The following SH3RF3 variants were observed in gnomAD, a reference collection of about 807,000 sequenced individuals.
SH3RF3 encodes the protein E3 ubiquitin-protein ligase SH3RF3.
SH3RF3 carries 29 observed loss-of-function variants against 66.3 expected under a neutral mutation model. The ratio of observed to expected loss-of-function variants is 0.44; its 90% CI spans 0.33 to 0.60. The LOEUF (loss-of-function observed/expected upper bound fraction) is 0.60, where lower values mean the gene tolerates loss of function less well. SH3RF3 is among the 20% of genes least tolerant of loss of function. SH3RF3 has a pLI of 0.04. For synonymous variants in SH3RF3, 583 were observed against 532.0 expected (o/e 1.10, Z -1.32); for missense variants, 1,194 against 1,190.9 (o/e 1.00, Z -0.04).
chr2:109,317,306 A>G (rs1018973559), intron 1 of SH3RF3, among the ~76,000 whole-genome samples: 1 of 152,136 alleles, frequency 6.6e-6, no homozygotes, highest in Non-Finnish European at 1.5e-5. Context: ...GGGCGACAGC[A>G]ATGCCTGTCC....
intron 1 of SH3RF3, among the ~76,000 whole-genome samples, chr2:109,191,843 A>G (rs1253962756): frequency 3.3e-5 from 5 of 152,188 alleles, no homozygotes; most frequent in African/African-American, 4.8e-5. Flanking sequence ...TATAAAAACA[A>G]TAACCCTTTA....
chr2:109,465,668 C>A (rs1290632911), intron 8 of SH3RF3, among the ~76,000 whole-genome samples: 2 of 152,182 alleles, frequency 1.3e-5, no homozygotes, highest in Admixed American at 6.5e-5. Flanking sequence ...TATGGTTCTG[C>A]AGGCTCTACA....
chr2:109,367,366 C>A (rs758547649), intron 2 of SH3RF3, among the ~76,000 whole-genome samples: 31 of 152,186 alleles, frequency 2.0e-4, no homozygotes, highest in African/African-American at 7.2e-4. Flanking sequence ...ACTGCAACCT[C>A]TGCCTCCTGG....
intron 1 of SH3RF3, among the ~76,000 whole-genome samples, chr2:109,315,930 T>G (rs1328607191): frequency 2.0e-5 from 3 of 152,162 alleles, no homozygotes; most frequent in Non-Finnish European, 4.4e-5. Context: ...CTGGGTTGTT[T>G]TGGAGAATAT....
chr2:109,334,876 C>T (rs1015909687), intron 1 of SH3RF3, among the ~76,000 whole-genome samples: 1 of 152,188 alleles, frequency 6.6e-6, no homozygotes, highest in African/African-American at 2.4e-5. Flanking sequence ...ATTTGTGGAA[C>T]CCAGTGTTTT....
At chr2:109,469,436 C>T (rs947411615) in intron 8 of SH3RF3, among the ~76,000 whole-genome samples, 2 of 152,102 alleles carry the variant, frequency 1.3e-5, no homozygotes, top group Non-Finnish European at 2.9e-5. Flanking sequence ...GCTGCTCTGT[C>T]GAGGAAGGGT....
chr2:109,129,517 G>A lies in SH3RF3; in HGVS notation c.-24G>A. 1.3e-6 allele frequency: 2 copies of A among 1,496,184 alleles called. No homozygotes were observed. The highest frequency in any genetic ancestry group is 1.8e-6 in the Non-Finnish European group (2 of 1,129,204). 92.7% of individuals were successfully genotyped at this position (1,496,184 alleles called of 1,614,324 possible). ...GGCCCCGGGACCTAGGCAGCCGCGC[G>A]AGACCGCTGCGGGCGCCTCCCCCAT... On this transcript the variant is annotated 5_prime_UTR_variant, in exon 1 of 10. Coordinates refer to ENST00000309415, the MANE Select transcript of SH3RF3 (RefSeq NM_001099289.3).
At chr2:109,478,721 AG>A (rs1678756189) in intron 8 of SH3RF3, among the ~76,000 whole-genome samples, 1 of 152,198 alleles carries the variant, frequency 6.6e-6, no homozygotes, top group South Asian at 2.1e-4. Flanking sequence ...CTGAGCTCGT[AG>A]GTAAGATCTT....
At chr2:109,271,549 T>A (rs1680626228) in intron 1 of SH3RF3, among the ~76,000 whole-genome samples, 1 of 152,194 alleles carries the variant, frequency 6.6e-6, no homozygotes, top group Admixed American at 6.5e-5. Flanking sequence ...CCCCTCAAAC[T>A]CAAGATAGTC....
Position 109,477,761 on chromosome 2 carries a change from C to T in SH3RF3, c.2149-12844C>T, listed in dbSNP as rs560105578. On this transcript the variant is annotated intron_variant, in intron 8 of 9. Transcript: ENST00000309415. ...GACTGGCTTCCTGGTTCATAGACGG[C>T]GCCTTCTCACCGTGTCCTCACGTGG... Among the ~76,000 whole-genome samples the T allele has an allele frequency of 6.6e-5, 10 of 152,224 alleles. No homozygotes were observed. In the South Asian group the frequency reaches 1.0e-3, roughly 16 times the overall value.
chr2:109,170,944 C>T (rs562851609), intron 1 of SH3RF3, among the ~76,000 whole-genome samples: 4 of 152,300 alleles, frequency 2.6e-5, no homozygotes, highest in Admixed American at 6.5e-5. Flanking sequence ...GTAGCCCACA[C>T]CGGGCTGGGT....
chr2:109,160,197 G>A (rs545245121), intron 1 of SH3RF3, among the ~76,000 whole-genome samples: 1 of 152,294 alleles, frequency 6.6e-6, no homozygotes, highest in East Asian at 1.9e-4. Context: ...TCAGGAAGCT[G>A]AGGGTCTTGT....
chr2:109,416,401 C>T (rs1489913285), intron 4 of SH3RF3, among the ~76,000 whole-genome samples: 1 of 152,044 alleles, frequency 6.6e-6, no homozygotes, highest in African/African-American at 2.4e-5. Context: ...TCAAGACTAG[C>T]CTGGCCAACA....
intron 1 of SH3RF3, among the ~76,000 whole-genome samples, chr2:109,313,306 G>C (rs372352391): frequency 3.9e-5 from 6 of 152,218 alleles, no homozygotes; most frequent in East Asian, 1.9e-4. Flanking sequence ...CCATCCCAAG[G>C]GGGGAGGCTG....
At chr2:109,476,737 A>G (rs1678693287) in intron 8 of SH3RF3, among the ~76,000 whole-genome samples, 1 of 152,242 alleles carries the variant, frequency 6.6e-6, no homozygotes, top group Non-Finnish European at 1.5e-5. Context: ...AAGGAATACA[A>G]GAATAGCTGT....
At chr2:109,250,229 G>A (rs367939232) in intron 1 of SH3RF3, among the ~76,000 whole-genome samples, 4 of 152,006 alleles carry the variant, frequency 2.6e-5, no homozygotes, top group Admixed American at 6.6e-5. Context: ...TTTAGGGAAA[G>A]GCAACTGAAC....
At chr2:109,323,371 T>G (rs1197125819) in intron 1 of SH3RF3, among the ~76,000 whole-genome samples, 1 of 152,214 alleles carries the variant, frequency 6.6e-6, no homozygotes, top group Non-Finnish European at 1.5e-5. Context: ...AGGATCCACA[T>G]ATTCACCACA....
chr2:109,445,020 A>G (rs1288533954), intron 7 of SH3RF3, among the ~76,000 whole-genome samples: 1 of 152,218 alleles, frequency 6.6e-6, no homozygotes, highest in Admixed American at 6.5e-5. Context: ...CCAATTTGAA[A>G]TTTTGGAGAG....
At chr2:109,409,062 CT>C (rs1676522753) in intron 4 of SH3RF3, among the ~76,000 whole-genome samples, 1 of 152,196 alleles carries the variant, frequency 6.6e-6, no homozygotes, top group East Asian at 1.9e-4. Context: ...CTCCCCTTTC[CT>C]TGTTGACGTT....
Sources: gnomAD v4.1 joint callset for allele counts (sites outside exome capture counted in the v4.1 genomes callset) on GRCh38, gnomAD v4.1.1 for gene constraint, MANE v1.5 for transcripts, NCBI Gene and HGNC (gene_info 2026-07-23, HGNC 2026-07-21) for gene names.